Variants in CACNA1C observed in about 807,000 individuals in gnomAD.
CACNA1C encodes calcium voltage-gated channel subunit alpha1 C.
In CACNA1C, 30 loss-of-function variants were observed where a neutral mutation model predicts 229.0. That is an observed-to-expected ratio of 0.13 (90% CI 0.10 to 0.18). The LOEUF is 0.18. Among genes scored for constraint, CACNA1C ranks in the 10% least tolerant of loss-of-function variants. CACNA1C has a pLI of 1.00. For synonymous variants in CACNA1C, 1,114 were observed against 1,132.5 expected (o/e 0.98, Z 0.33); for missense variants, 1,658 against 2,845.0 (o/e 0.58, Z 9.49).
intron 3 of CACNA1C, among the ~76,000 whole-genome samples, chr12:2,359,743 C>T (rs910093598): frequency 2.6e-5 from 4 of 151,982 alleles, no homozygotes; most frequent in Admixed American, 2.6e-4. Flanking sequence ...GACAGGTGAC[C>T]TAGTAATAGG....
intron 3 of CACNA1C, among the ~76,000 whole-genome samples, chr12:2,126,182 C>T (rs970090989): frequency 6.6e-6 from 1 of 152,188 alleles, no homozygotes; most frequent in Admixed American, 6.5e-5. Context: ...TTGTATGCTC[C>T]ATCTAACATA....
intron 3 of CACNA1C, among the ~76,000 whole-genome samples, chr12:2,388,871 GA>G (rs2098439849): frequency 6.6e-6 from 1 of 152,238 alleles, no homozygotes; most frequent in African/African-American, 2.4e-5. Flanking sequence ...CAGTGTCTAT[GA>G]CATATCCGAG....
chr12:2,428,559 G>C (rs1312543899), intron 3 of CACNA1C, among the ~76,000 whole-genome samples: 1 of 152,186 alleles, frequency 6.6e-6, no homozygotes, highest in East Asian at 1.9e-4. Flanking sequence ...CATCTCAAAG[G>C]CGGGGAGCTT....
At chr12:2,281,929 A>G (rs1013851100) in intron 3 of CACNA1C, among the ~76,000 whole-genome samples, 1 of 151,956 alleles carries the variant, frequency 6.6e-6, no homozygotes, top group Admixed American at 6.6e-5. Context: ...GCTGCTTGAC[A>G]TTGTCGAACA....
At chr12:2,187,398 A>G (rs2097070377) in intron 3 of CACNA1C, among the ~76,000 whole-genome samples, 1 of 152,192 alleles carries the variant, frequency 6.6e-6, no homozygotes, top group Admixed American at 6.5e-5. Flanking sequence ...ACGGCCAGGA[A>G]ATGATTTGCA....
At chr12:1,988,463 T>C (rs1006586576) in intron 1 of CACNA1C, among the ~76,000 whole-genome samples, 3 of 152,148 alleles carry the variant, frequency 2.0e-5, no homozygotes, top group Non-Finnish European at 4.4e-5. Context: ...TTCTGCAGGG[T>C]GGGTCAATGC....
chr12:2,589,266 G>A (rs937360886), intron 18 of CACNA1C, among the ~76,000 whole-genome samples: 3 of 152,206 alleles, frequency 2.0e-5, no homozygotes, highest in African/African-American at 4.8e-5. Context: ...AACCAAAAAG[G>A]TGACATCACA....
intron 3 of CACNA1C, among the ~76,000 whole-genome samples, chr12:2,232,692 C>G (rs1020479156): frequency 3.3e-5 from 5 of 152,070 alleles, no homozygotes. Context: ...TATGATTTTT[C>G]TATTGTCCTT....
At chr12:2,582,176 C>G (rs2153224508) in intron 14 of CACNA1C, among the ~76,000 whole-genome samples, 1 of 151,876 alleles carries the variant, frequency 6.6e-6, no homozygotes, top group African/African-American at 2.4e-5. Context: ...CCATGGAATC[C>G]TTTACTTAAA....
intron 3 of CACNA1C, among the ~76,000 whole-genome samples, chr12:2,438,223 GGTT>G (rs1160835042): frequency 2.0e-5 from 3 of 149,204 alleles, no homozygotes; most frequent in African/African-American, 7.4e-5. Flanking sequence ...TGGTGGTGGT[GGTT>G]GTGATGGTGG....
At chr12:2,438,530 G>C (rs1474100616) in intron 3 of CACNA1C, among the ~76,000 whole-genome samples, 1 of 152,012 alleles carries the variant, frequency 6.6e-6, no homozygotes, top group Non-Finnish European at 1.5e-5. Flanking sequence ...AGTGGAGAAA[G>C]TGGCAGGGAT....
chr12:2,597,197 C>G lies in CACNA1C; in HGVS notation c.2794-33C>G. 2 of 1,426,124 alleles carry G rather than the reference C, an allele frequency of 1.4e-6. No homozygotes were observed. The highest frequency in any genetic ancestry group is 2.0e-6 in the Non-Finnish European group (2 of 1,011,104). 88.3% of individuals were successfully genotyped at this position (1,426,124 alleles called of 1,614,324 possible). A position where few individuals can be genotyped will look rare whatever the true frequency, so the allele number is the denominator to read the frequency against. ...CGTCCTGCTTTTCTCCCTTCCCCAT[C>G]CCATCCCCACCCTGTTCCTTTTTGT... is the stretch of plus-strand genomic sequence containing the variant. On this transcript the variant is annotated intron_variant, in intron 20 of 46. Coordinates refer to ENST00000399655, the MANE Select transcript of CACNA1C (RefSeq NM_000719.7). This position sits in a 1 kb window ranked among gnomAD's most constrained non-coding sequence, Gnocchi z 4.3.
chr12:2,098,395 C>T (rs910217207), intron 1 of CACNA1C, among the ~76,000 whole-genome samples: 4 of 152,162 alleles, frequency 2.6e-5, no homozygotes, highest in South Asian at 2.1e-4. Context: ...TTTCTTTTGT[C>T]GTGCCTTAGT....
rs776610143 is a variant in CACNA1C at position 2,287,341 on chromosome 12, G to A, written c.478-161635G>A. 7.2e-5 allele frequency among the ~76,000 whole-genome samples: 11 copies of A among 152,306 alleles called. No homozygotes were observed. In the East Asian group the frequency reaches 7.7e-4, roughly 11 times the overall value. ...CCTCATGGAGTGTCGCTGGATACGC[G>A]ATCAGTGTCCCTTGAGGCAGTGCTG... is the stretch of plus-strand genomic sequence containing the variant. On this transcript the variant is annotated intron_variant, in intron 3 of 46. Coordinates refer to ENST00000399655, the MANE Select transcript of CACNA1C (RefSeq NM_000719.7). The surrounding 1 kb of genome is among the most constrained non-coding windows in gnomAD (Gnocchi z 4.6).
chr12:2,327,249 T>G (rs1026014216), intron 3 of CACNA1C, among the ~76,000 whole-genome samples: 2 of 152,260 alleles, frequency 1.3e-5, no homozygotes, highest in African/African-American at 4.8e-5. Flanking sequence ...GAATTCCTGT[T>G]CTTCTCAATT....
At chr12:2,555,081 TC>T (rs1196025313) in intron 10 of CACNA1C, among the ~76,000 whole-genome samples, 2 of 152,238 alleles carry the variant, frequency 1.3e-5, no homozygotes, top group African/African-American at 4.8e-5. Flanking sequence ...CATTTCGTGC[TC>T]AGAATGTGCC....
intron 10 of CACNA1C, among the ~76,000 whole-genome samples, chr12:2,552,399 C>T (rs1213719109): frequency 2.0e-5 from 3 of 152,278 alleles, no homozygotes; most frequent in South Asian, 2.1e-4. Context: ...TTTGGACTGG[C>T]AGGTTAGGAA....
chr12:2,669,044 G>A lies in CACNA1C; in HGVS notation c.4726+9G>A, dbSNP rs369267978. 3.0e-4 allele frequency: 474 copies of A among 1,583,480 alleles called. No homozygotes were observed. The highest frequency in any genetic ancestry group is 3.3e-4 in the Non-Finnish European group (376 of 1,152,122). On this transcript the variant is annotated intron_variant, in intron 38 of 46. Coordinates refer to ENST00000399655, the MANE Select transcript of CACNA1C (RefSeq NM_000719.7). ...GAGGATCAAAACAGAAGGTAAGGTCGCCCGTGGGCACTGGGAGAGACACTC... is the reference window on the plus strand; with the variant it reads ...GAGGATCAAAACAGAAGGTAAGGTCACCCGTGGGCACTGGGAGAGACACTC...
chr12:2,197,292 G>A (rs2097436163), intron 3 of CACNA1C, among the ~76,000 whole-genome samples: 1 of 152,196 alleles, frequency 6.6e-6, no homozygotes, highest in Non-Finnish European at 1.5e-5. Context: ...ACTTGGAAAT[G>A]CATGTGTTCC....
Sources: gnomAD v4.1 joint callset for allele counts (sites outside exome capture counted in the v4.1 genomes callset) on GRCh38, gnomAD v4.1.1 for gene constraint, Gnocchi (gnomAD v3.1) non-coding constraint, MANE v1.5 for transcripts, NCBI Gene and HGNC (gene_info 2026-07-23, HGNC 2026-07-21) for gene names.